CARMIL1: variants seen among roughly 807,000 people sequenced by gnomAD.
The protein encoded by CARMIL1 is capping protein regulator and myosin 1 linker 1.
Under a neutral mutation model 177.1 loss-of-function variants are expected in CARMIL1, and 90 were observed. The ratio of observed to expected loss-of-function variants is 0.51; its 90% CI spans 0.43 to 0.61. The LOEUF (loss-of-function observed/expected upper bound fraction) is 0.61. Among genes scored for constraint, CARMIL1 ranks in the 20% least tolerant of loss-of-function variants. CARMIL1 has a pLI of 0.00. For synonymous variants in CARMIL1, 577 were observed against 606.2 expected, an observed-to-expected ratio of 0.95 and a Z score of 0.71; for missense variants, 1,380 against 1,667.0, an observed-to-expected ratio of 0.83 and a Z score of 3.00.
At chr6:25,526,065 T>C (rs560381263) in intron 23 of CARMIL1, among the ~76,000 whole-genome samples, 33 of 151,760 alleles carry the variant, frequency 2.2e-4, no homozygotes, top group African/African-American at 7.5e-4. Flanking sequence ...ATCCCAGCAC[T>C]TTGGGAGGCC....
chr6:25,336,334 A>G (rs976037648), intron 2 of CARMIL1, among the ~76,000 whole-genome samples: 1 of 152,138 alleles, frequency 6.6e-6, no homozygotes, highest in Non-Finnish European at 1.5e-5. Context: ...CATTTCAGCC[A>G]TTAGTACTCA....
intron 2 of CARMIL1, among the ~76,000 whole-genome samples, chr6:25,297,688 T>C (rs1235936462): frequency 6.6e-6 from 1 of 152,246 alleles, no homozygotes; most frequent in Non-Finnish European, 1.5e-5. Context: ...AGAGATTTAA[T>C]GAAAGTGGCA....
chr6:25,510,025 T>C (rs1805317836), intron 18 of CARMIL1, among the ~76,000 whole-genome samples: 1 of 152,172 alleles, frequency 6.6e-6, no homozygotes, highest in South Asian at 2.1e-4. Context: ...AGACCAACTT[T>C]TTGCATTCTT....
At chr6:25,465,519 CAA>C (rs34888187) in intron 8 of CARMIL1, 489 of 142,560 alleles carry the variant, frequency 3.4e-3, no homozygotes, top group South Asian at 0.011. Context: ...GACCCTGTCT[CAA>C]AAAAAAAAAA....
intron 26 of CARMIL1, among the ~76,000 whole-genome samples, chr6:25,542,230 G>A (rs970337927): frequency 1.3e-5 from 2 of 152,080 alleles, no homozygotes; most frequent in Non-Finnish European, 2.9e-5. Flanking sequence ...TTATACCTTT[G>A]GTGTTCGTTT....
chr6:25,340,384 T>C (rs2150319853), intron 2 of CARMIL1, among the ~76,000 whole-genome samples: 1 of 152,350 alleles, frequency 6.6e-6, no homozygotes, highest in South Asian at 2.1e-4. Context: ...GTTTTGAGTG[T>C]AGAATATTCC....
At chr6:25,499,611 C>T (rs970293026) in intron 16 of CARMIL1, among the ~76,000 whole-genome samples, 2 of 152,136 alleles carry the variant, frequency 1.3e-5, no homozygotes. Flanking sequence ...GGATCCTGGA[C>T]TCCAATTCAA....
rs987732512 is a variant in CARMIL1 at position 25,600,725 on chromosome 6, G to T, written c.3531G>T (p.Lys1177Asn). The T allele has an allele frequency of 6.4e-7, 1 of 1,555,862 alleles. No homozygotes were observed. Among genetic ancestry groups the T allele is most frequent in the African/African-American group, 1.4e-5 (1 of 72,664 alleles). The change falls in exon 33 of 37, where the codon AAG becomes AAT. Residue 1177 changes from lysine to asparagine, a missense_variant. Physicochemically the swap from Lys to Asn is moderately conservative, Grantham distance 94. Coordinates refer to ENST00000329474, the MANE Select transcript of CARMIL1 (RefSeq NM_017640.6). Reference protein sequence around the residue: ...LLAEMKAKQEKRAACAQKKLG... With the variant: ...LLAEMKAKQENRAACAQKKLG... ...CAGAGATGAAAGCCAAGCAAGAGAA[G>T]AGAGCTGCGTGTGCGCAGAAGGTAA...
At chr6:25,341,161 C>CA (rs1450448841) in intron 2 of CARMIL1, among the ~76,000 whole-genome samples, 1 of 119,544 alleles carries the variant, frequency 8.4e-6, no homozygotes. Flanking sequence ...GAGGCGTAAA[C>CA]GGGAGGCTTT....
At chr6:25,485,908 A>G (rs985689831) in intron 12 of CARMIL1, among the ~76,000 whole-genome samples, 2 of 151,826 alleles carry the variant, frequency 1.3e-5, no homozygotes, top group Non-Finnish European at 2.9e-5. Context: ...ACTAGCATTT[A>G]TATTCATGGC....
chr6:25,426,020 T>C (rs1370447494), intron 3 of CARMIL1, among the ~76,000 whole-genome samples: 1 of 152,152 alleles, frequency 6.6e-6, no homozygotes, highest in Non-Finnish European at 1.5e-5. Context: ...TTTATCCTGA[T>C]AGGACTTTCT....
intron 29 of CARMIL1, chr6:25,563,493 G>C (rs1474277089): frequency 1.0e-6 from 1 of 985,290 alleles, no homozygotes; most frequent in Admixed American, 6.2e-5. Context: ...CCAGGTGATG[G>C]GGTAAAAGAA....
At chr6:25,519,822 G>T (rs980152852) in intron 22 of CARMIL1, among the ~76,000 whole-genome samples, 1 of 152,146 alleles carries the variant, frequency 6.6e-6, no homozygotes, top group Non-Finnish European at 1.5e-5. Context: ...CCAGTTTGGG[G>T]CTGGTTGTCA....
chr6:25,502,639 A>G (rs924570056), intron 17 of CARMIL1, among the ~76,000 whole-genome samples: 2 of 152,054 alleles, frequency 1.3e-5, no homozygotes, highest in Admixed American at 1.3e-4. Context: ...ATGTGGTTTT[A>G]CAATCCTGAT....
chr6:25,605,852 A>G (rs1815908843), intron 34 of CARMIL1, among the ~76,000 whole-genome samples: 1 of 152,196 alleles, frequency 6.6e-6, no homozygotes, highest in South Asian at 2.1e-4. Flanking sequence ...ACAACCAAAA[A>G]GTTTATTGCT....
intron 2 of CARMIL1, among the ~76,000 whole-genome samples, chr6:25,322,594 C>G (rs1461603743): frequency 6.6e-6 from 1 of 152,156 alleles, no homozygotes; most frequent in East Asian, 1.9e-4. Flanking sequence ...AGCTTGTAAC[C>G]TTCCCTTTAC....
intron 2 of CARMIL1, among the ~76,000 whole-genome samples, chr6:25,301,210 A>G (rs1782834880): frequency 6.6e-6 from 1 of 152,166 alleles, no homozygotes; most frequent in South Asian, 2.1e-4. Context: ...ACAGAGACAA[A>G]GAAATGGGAA....
chr6:25,315,350 C>T (rs912320144), intron 2 of CARMIL1, among the ~76,000 whole-genome samples: 2 of 152,250 alleles, frequency 1.3e-5, no homozygotes, highest in African/African-American at 4.8e-5. Flanking sequence ...CTTCTCTCCT[C>T]ATTTACTGCT....
At chr6:25,602,515 A>G (rs1156660813) in intron 33 of CARMIL1, among the ~76,000 whole-genome samples, 1 of 152,214 alleles carries the variant, frequency 6.6e-6, no homozygotes, top group Non-Finnish European at 1.5e-5. Flanking sequence ...TAAAGTGACA[A>G]AACCCTTATG....
Sources: gnomAD v4.1 joint callset for allele counts (sites outside exome capture counted in the v4.1 genomes callset) on GRCh38, gnomAD v4.1.1 for gene constraint, MANE v1.5 for transcripts, NCBI Gene and HGNC (gene_info 2026-07-23, HGNC 2026-07-21) for gene names.